RMC1: variants seen among roughly 807,000 people sequenced by gnomAD.
RMC1 encodes the protein regulator of MON1-CCZ1 complex.
A neutral mutation model predicts 95.5 loss-of-function variants in RMC1; 44 were observed. That is an observed-to-expected ratio of 0.46 (90% CI 0.36 to 0.59). The LOEUF (loss-of-function observed/expected upper bound fraction) is 0.59. Ranked by LOEUF, RMC1 falls within the 20% of genes least tolerant of loss-of-function variation. RMC1 has a pLI of 0.00. For missense variants in RMC1, 705 were observed against 819.6 expected (o/e 0.86, Z 1.71); for synonymous variants, 320 against 303.6 (o/e 1.05, Z -0.56).
chr18:23,510,925 CAGAG>C (rs1401106523), intron 5 of RMC1, among the ~76,000 whole-genome samples: 1 of 152,174 alleles, frequency 6.6e-6, no homozygotes, highest in Non-Finnish European at 1.5e-5. Flanking sequence ...GGCGATTCCT[CAGAG>C]AGCTAAAAGC....
chr18:23,518,716 C>G (rs1787130777), intron 7 of RMC1, among the ~76,000 whole-genome samples, 174 bp from the exon 8 acceptor site: 1 of 152,106 alleles, frequency 6.6e-6, no homozygotes, highest in South Asian at 2.1e-4. Flanking sequence ...GTTCTCTTTT[C>G]CACTTAACTT....
At chr18:23,514,078 A>G (rs748148554) in intron 5 of RMC1, among the ~76,000 whole-genome samples, 15 of 152,200 alleles carry the variant, frequency 9.9e-5, no homozygotes, top group Non-Finnish European at 2.1e-4. Context: ...TCTAAGGGGA[A>G]CTAATTTAGA....
In RMC1 at chr18:23,527,945, C is replaced by A. The variant is rs753271426; in HGVS notation, c.1296+44C>A. On this transcript the variant is annotated intron_variant, in intron 14 of 19. Transcript: ENST00000269221. The stretch of plus-strand genomic sequence containing the variant: ...GACAAAGGGTCCTCCTCCCCCACCC[C>A]CTCCCGGGTATTTTCTAAGTAATTA... The A allele has an allele frequency of 3.5e-6, 5 of 1,443,698 alleles. No individual in the cohort carries two copies. In the South Asian group the frequency reaches 6.1e-5, roughly 18 times the overall value. The allele number at this position is 1,443,698 out of a possible 1,614,324, so 89.4% of individuals were successfully genotyped here. A position where few individuals can be genotyped will look rare whatever the true frequency, so the allele number is the denominator to read the frequency against.
intron 13 of RMC1, among the ~76,000 whole-genome samples, chr18:23,527,359 T>C (rs950810984): frequency 7.3e-5 from 11 of 151,654 alleles, no homozygotes; most frequent in African/African-American, 1.7e-4. Flanking sequence ...TTTGTGTCAG[T>C]GTACCTCCAG....
chr18:23,509,892 A>C (rs2057805769), intron 5 of RMC1, among the ~76,000 whole-genome samples: 1 of 149,408 alleles, frequency 6.7e-6, no homozygotes, highest in Non-Finnish European at 1.5e-5. Flanking sequence ...GTAGAGACGA[A>C]GTCTTGCTAT....
At chr18:23,530,668 G>A in intron 19 of RMC1, 56 bp downstream of exon 19, 1 of 1,533,474 alleles carries the variant, frequency 6.5e-7, no homozygotes, top group Non-Finnish European at 8.9e-7. Flanking sequence ...GTAGCAGAGG[G>A]CACTGGCAGC....
chr18:23,520,074 C>G, intron 9 of RMC1, 128 bp from the exon 10 acceptor site: 2 of 666,194 alleles, frequency 3.0e-6, no homozygotes, highest in South Asian at 3.6e-5. Flanking sequence ...CAAGTAAGAG[C>G]TAGCCTGTAG....
Position 23,507,039 on chromosome 18 carries a change from G to T in RMC1, c.249G>T (p.Arg83Ser). The T allele has an allele frequency of 6.2e-7, 1 of 1,603,646 alleles. No individual in the cohort carries two copies. Among genetic ancestry groups the T allele is most frequent in the South Asian group, 1.1e-5 (1 of 89,858 alleles). Residue 83 changes from arginine to serine, a missense_variant, in exon 3 of 20, where the codon AGG becomes AGT. Transcript: ENST00000269221. ...SLENKILAVQRTSKTVDFCNF... is the reference protein window; with the variant it reads ...SLENKILAVQSTSKTVDFCNF... ...AAAATAAGATATTGGCTGTTCAGAG[G>T]ACCTCAAAGACTGTGGTAAGACTTA...
At chr18:23,504,275 G>A (rs2057660791) in intron 1 of RMC1, 96 bp from the exon 2 acceptor site, 15 of 956,948 alleles carry the variant, frequency 1.6e-5, no homozygotes, top group South Asian at 1.6e-4. Context: ...TTGAACCCAG[G>A]GTGGTGTATA....
Position 23,524,489 on chromosome 18 carries a change from C to T in RMC1, c.1060+7C>T. 6.2e-7 allele frequency: 1 copy of T among 1,613,654 alleles called. No individual in the cohort carries two copies. Among genetic ancestry groups the T allele is most frequent in the Non-Finnish European group, 8.5e-7 (1 of 1,179,610 alleles). The stretch of plus-strand genomic sequence containing the variant: ...ATTATCAGCGCAAGCCAAGGTAGGT[C>T]AGCGGGGACAGTTGTCGTGTTACAA... On this transcript the variant is annotated splice_region_variant and intron_variant, in intron 12 of 19. Coordinates refer to ENST00000269221, the MANE Select transcript of RMC1 (RefSeq NM_013326.5).
chr18:23,504,302 G>T (rs2145113191), intron 1 of RMC1, 69 bp from the exon 2 acceptor site: 1 of 1,324,126 alleles, frequency 7.6e-7, no homozygotes, highest in Middle Eastern at 1.8e-4. Flanking sequence ...ATAATCGCTT[G>T]CGGGTTGGCT....
chr18:23,506,482 C>T (rs1014522882), intron 2 of RMC1: 1 of 152,950 alleles, frequency 6.5e-6, no homozygotes, highest in Non-Finnish European at 1.5e-5. Flanking sequence ...GCTTCATCCT[C>T]TCACAGTGCT....
intron 5 of RMC1, among the ~76,000 whole-genome samples, chr18:23,512,012 A>C (rs2057871313): frequency 6.7e-6 from 1 of 150,016 alleles, no homozygotes; most frequent in Non-Finnish European, 1.5e-5. Flanking sequence ...GAGAGGTAGA[A>C]AGACTTTTTT....
In RMC1 at chr18:23,503,512, G is replaced by GAGCAGC; in HGVS notation, c.-104_-103insAGCAGC. On this transcript the variant is annotated 5_prime_UTR_variant, in exon 1 of 20. Transcript: ENST00000269221. ...GGAAGCGGCGTCCGCGCCGGGCCCA[G>GAGCAGC]AGCCGCAGCCGCAGCCGCCGCTACA... is the stretch of plus-strand genomic sequence containing the variant. 1 of 687,292 alleles carries GAGCAGC rather than the reference G, an allele frequency of 1.5e-6. No individual in the cohort carries two copies. The highest frequency in any genetic ancestry group is 2.1e-6 in the Non-Finnish European group (1 of 484,134). The allele number at this position is 687,292 out of a possible 1,614,324, so 42.6% of individuals were successfully genotyped here. A position where few individuals can be genotyped will look rare whatever the true frequency, so the allele number is the denominator to read the frequency against.
In RMC1 at chr18:23,525,929, G is replaced by A. The variant is rs77492124; in HGVS notation, c.1061-708G>A. Among the ~76,000 whole-genome samples, 145 of 152,322 alleles carry A rather than the reference G, an allele frequency of 9.5e-4. 2 individuals carry two copies. In the East Asian group the frequency reaches 0.025, roughly 27 times the overall value. On this transcript the variant is annotated intron_variant, in intron 12 of 19. Coordinates refer to ENST00000269221, the MANE Select transcript of RMC1 (RefSeq NM_013326.5). ...TCCACTGTATGTAATGCATTGTTGTGCCTTGTCTGTAACCCATAGCCTCAT... is the reference window on the plus strand; with the variant it reads ...TCCACTGTATGTAATGCATTGTTGTACCTTGTCTGTAACCCATAGCCTCAT...
At chr18:23,513,272 T>C (rs1199069794) in intron 5 of RMC1, among the ~76,000 whole-genome samples, 1 of 152,230 alleles carries the variant, frequency 6.6e-6, no homozygotes, top group Non-Finnish European at 1.5e-5. Context: ...TTACCTTTTA[T>C]ACTTCATATA....
chr18:23,514,173 C>T (rs2057936736), intron 5 of RMC1, among the ~76,000 whole-genome samples: 1 of 152,160 alleles, frequency 6.6e-6, no homozygotes. Flanking sequence ...AGAAAATACA[C>T]CTGTGTGTTA....
At chr18:23,504,180 A>C (rs1430068478) in intron 1 of RMC1, among the ~76,000 whole-genome samples, 191 bp from the exon 2 acceptor site, 1 of 152,242 alleles carries the variant, frequency 6.6e-6, no homozygotes, top group East Asian at 1.9e-4. Flanking sequence ...TCACGGTGGC[A>C]TCCTTTTCGC....
chr18:23,528,174 G>C (rs1378278609), intron 14 of RMC1: 4 of 315,906 alleles, frequency 1.3e-5, no homozygotes, highest in Non-Finnish European at 5.8e-6. Context: ...GTAGATCCTT[G>C]GTCTACTGTT....
Sources: allele counts gnomAD v4.1 joint callset (sites outside exome capture counted in the v4.1 genomes callset), GRCh38; gene constraint gnomAD v4.1.1; transcripts MANE v1.5; gene names NCBI Gene and HGNC (gene_info 2026-07-23, HGNC 2026-07-21).